Variants in EEFSEC observed in about 807,000 individuals in gnomAD.
EEFSEC encodes eukaryotic elongation factor, selenocysteine-tRNA specific.
In EEFSEC, 43 loss-of-function variants were observed where a neutral mutation model predicts 42.1. That is an observed-to-expected ratio of 1.02 (90% confidence interval 0.80 to 1.32). The LOEUF is 1.32. EEFSEC is among the 40% of genes most tolerant of loss of function. EEFSEC has a pLI of 0.00. For missense variants in EEFSEC, 745 were observed against 803.6 expected (o/e 0.93, Z 0.88); for synonymous variants, 354 against 339.1 (o/e 1.04, Z -0.48).
In EEFSEC at chr3:128,408,189, A is replaced by C; in HGVS notation, c.1721A>C (p.His574Pro). Residue 574 changes from histidine to proline, a missense_variant, in exon 7 of 7, where the codon CAT becomes CCT. His to Pro is a moderately conservative substitution (Grantham distance 77, BLOSUM62 -2). Coordinates refer to ENST00000254730, the MANE Select transcript of EEFSEC (RefSeq NM_021937.5). ...ESAERSEPSQ[H>P]VVLSLTFKRY... ...GCCGAGCGGAGCGAGCCCTCACAGC[A>C]TGTGGTGCTCAGCCTGACTTTCAAG... is the stretch of plus-strand genomic sequence containing the variant. The C allele has an allele frequency of 6.2e-7, 1 of 1,612,794 alleles. No individual in the cohort carries two copies. Among genetic ancestry groups the C allele is most frequent in the Non-Finnish European group, 8.5e-7 (1 of 1,179,274 alleles).
At chr3:128,287,185 C>T (rs2066594765) in intron 4 of EEFSEC, among the ~76,000 whole-genome samples, 1 of 152,174 alleles carries the variant, frequency 6.6e-6, no homozygotes, top group African/African-American at 2.4e-5. Flanking sequence ...GCCAATTTGG[C>T]AAATAAAGTG....
intron 4 of EEFSEC, among the ~76,000 whole-genome samples, chr3:128,279,401 G>A (rs1208819864): frequency 6.6e-6 from 1 of 152,240 alleles, no homozygotes; most frequent in Non-Finnish European, 1.5e-5. Context: ...TCTCCCAGCT[G>A]TGATGACCAC....
intron 4 of EEFSEC, among the ~76,000 whole-genome samples, chr3:128,321,660 C>G (rs969728180): frequency 1.3e-5 from 2 of 152,170 alleles, no homozygotes; most frequent in Non-Finnish European, 2.9e-5. Flanking sequence ...TACTGTGCCC[C>G]TCATCCACCT....
intron 4 of EEFSEC, among the ~76,000 whole-genome samples, chr3:128,280,775 T>A (rs1173097541): frequency 1.3e-5 from 2 of 152,184 alleles, no homozygotes; most frequent in African/African-American, 4.8e-5. Context: ...CCTCACCCCC[T>A]TCTCCTTCAC....
chr3:128,384,545 C>T (rs574664546), intron 6 of EEFSEC, among the ~76,000 whole-genome samples: 23 of 152,318 alleles, frequency 1.5e-4, no homozygotes, highest in African/African-American at 5.5e-4. Context: ...GGCGGGCACC[C>T]GTCTCTCCCA....
intron 4 of EEFSEC, among the ~76,000 whole-genome samples, chr3:128,301,708 C>T (rs527984243): frequency 6.6e-6 from 1 of 152,248 alleles, no homozygotes; most frequent in African/African-American, 2.4e-5. Flanking sequence ...TGGAGTTACT[C>T]TTGACAGACT....
At chr3:128,351,442 A>G (rs2067383919) in intron 5 of EEFSEC, among the ~76,000 whole-genome samples, 1 of 152,222 alleles carries the variant, frequency 6.6e-6, no homozygotes, top group Non-Finnish European at 1.5e-5. Context: ...GCTCAAGGTC[A>G]TAGAGCTGTA....
intron 1 of EEFSEC, among the ~76,000 whole-genome samples, chr3:128,163,690 G>T (rs376380423): frequency 6.6e-6 from 1 of 151,794 alleles, no homozygotes; most frequent in African/African-American, 2.4e-5. Context: ...TCCCTACCAG[G>T]AGTCATTCCC....
intron 1 of EEFSEC, among the ~76,000 whole-genome samples, chr3:128,198,799 A>T (rs1279546988): frequency 4.6e-5 from 7 of 151,342 alleles, no homozygotes; most frequent in Admixed American, 3.9e-4. Flanking sequence ...ACATTTTTTC[A>T]TATGTGTGTT....
chr3:128,207,601 A>G (rs2065712234), intron 1 of EEFSEC, among the ~76,000 whole-genome samples: 1 of 149,634 alleles, frequency 6.7e-6, no homozygotes, highest in African/African-American at 2.4e-5. Flanking sequence ...ACACACACAC[A>G]CACGCTTAAC....
At chr3:128,362,475 T>C (rs149993542) in intron 6 of EEFSEC, among the ~76,000 whole-genome samples, 1 of 152,216 alleles carries the variant, frequency 6.6e-6, no homozygotes, top group Non-Finnish European at 1.5e-5. Context: ...CCAGGGCTGT[T>C]GTTTTGTGTA....
chr3:128,256,661 A>G (rs768170818), intron 2 of EEFSEC, among the ~76,000 whole-genome samples: 39 of 152,300 alleles, frequency 2.6e-4, no homozygotes, highest in South Asian at 1.2e-3. Context: ...TTATAATTTC[A>G]GTTTTCCATG....
chr3:128,398,824 G>A (rs1182986565), intron 6 of EEFSEC, among the ~76,000 whole-genome samples: 2 of 151,302 alleles, frequency 1.3e-5, no homozygotes, highest in African/African-American at 4.9e-5. Flanking sequence ...GCACCTCACG[G>A]AGGCCTCACA....
intron 6 of EEFSEC, among the ~76,000 whole-genome samples, chr3:128,377,630 C>T (rs2107611007): frequency 6.6e-6 from 1 of 152,364 alleles, no homozygotes; most frequent in South Asian, 2.1e-4. Context: ...GTGGATGTTC[C>T]ATCTCTTGTA....
intron 6 of EEFSEC, among the ~76,000 whole-genome samples, chr3:128,361,941 TGA>T (rs1228044150): frequency 6.6e-6 from 1 of 151,818 alleles, no homozygotes; most frequent in African/African-American, 2.4e-5. Context: ...TAGGGTGGAG[TGA>T]GTCTTGTTAT....
chr3:128,182,905 T>C (rs2065426763), intron 1 of EEFSEC, among the ~76,000 whole-genome samples: 1 of 137,998 alleles, frequency 7.2e-6, no homozygotes, highest in African/African-American at 3.0e-5. Flanking sequence ...GTGGTTGGTC[T>C]AGTAGTGGGG....
rs571570949 is a variant in EEFSEC at position 128,395,050 on chromosome 3, G to A, written c.1601-13019G>A. Among the ~76,000 whole-genome samples, 3 of 152,332 alleles carry A rather than the reference G, an allele frequency of 2.0e-5. No individual in the cohort carries two copies. In the East Asian group the frequency reaches 5.8e-4, roughly 29 times the overall value. On this transcript the variant is annotated intron_variant, in intron 6 of 6. Transcript: ENST00000254730. ...GTCTCCACGGCCATGAGCGAGGGGAGTGTCCTCCCTGTGCTGCTGGCAGCA... is the reference window on the plus strand; with the variant it reads ...GTCTCCACGGCCATGAGCGAGGGGAATGTCCTCCCTGTGCTGCTGGCAGCA...
At chr3:128,312,291 T>A (rs1265068606) in intron 4 of EEFSEC, among the ~76,000 whole-genome samples, 3 of 152,236 alleles carry the variant, frequency 2.0e-5, no homozygotes, top group African/African-American at 4.8e-5. Flanking sequence ...GCTCCTGAGT[T>A]ACACAGAAGT....
chr3:128,407,508 T>C (rs2068131387), intron 6 of EEFSEC, among the ~76,000 whole-genome samples: 1 of 152,056 alleles, frequency 6.6e-6, no homozygotes, highest in Non-Finnish European at 1.5e-5. Context: ...CAGCTGGGTA[T>C]GCAGCCTGCA....
Sources: gnomAD v4.1 joint callset for allele counts (sites outside exome capture counted in the v4.1 genomes callset) on GRCh38, gnomAD v4.1.1 for gene constraint, MANE v1.5 for transcripts, NCBI Gene and HGNC (gene_info 2026-07-23, HGNC 2026-07-21) for gene names.